Variants in IKBKG observed in about 807,000 individuals in gnomAD.
IKBKG encodes the protein inhibitor of nuclear factor kappa B kinase regulatory subunit gamma, also known as NF-kappa-B essential modulator.
IKBKG carries 2 observed loss-of-function variants against 13.7 expected under a neutral mutation model. The observed-to-expected ratio is 0.15, with a 90% CI of 0.06 to 0.46. IKBKG has a LOEUF of 0.46. IKBKG is among the 20% of genes least tolerant of loss of function. The probability of loss-of-function intolerance (pLI) is 0.98; values close to 1 mark genes in which losing one functional copy is unlikely to be tolerated. For synonymous variants in IKBKG, 22 were observed against 64.4 expected (o/e 0.34, Z 3.15); for missense variants, 53 against 150.3 (o/e 0.35, Z 3.39).
intron 1 of IKBKG, chrX:154,548,178 C>T (rs1425843338): frequency 6.3e-5 from 41 of 645,863 alleles, no homozygotes; most frequent in Non-Finnish European, 7.4e-5. Flanking sequence ...AATGAATGGG[C>T]TCTCCTGGCA....
chrX:154,552,230 G>A (rs2070953917), intron 2 of IKBKG, 41 bp downstream of exon 2: 6 of 1,103,157 alleles, frequency 5.4e-6, no homozygotes, highest in Non-Finnish European at 7.4e-6. Context: ...CTGAGGGGAA[G>A]GCGTCTTCTC....
chrX:154,547,637 T>G lies in IKBKG; in HGVS notation c.-124T>G. 1 of 754,123 alleles carries G rather than the reference T, an allele frequency of 1.3e-6. No homozygotes were observed. Among genetic ancestry groups the G allele is most frequent in the South Asian group, 6.7e-5 (1 of 14,841 alleles). The allele number at this position is 754,123 out of a possible 1,213,427, so 62.1% of individuals were successfully genotyped here. A position where few individuals can be genotyped will look rare whatever the true frequency, so the allele number is the denominator to read the frequency against. ...ATGACACCGGAAGCCGGAAGCGTGG[T>G]AGGGAAGGGCGACCGCGAAACTGGG... On this transcript the variant is annotated 5_prime_UTR_variant, in exon 1 of 10. Coordinates refer to ENST00000594239, the MANE Select transcript of IKBKG (RefSeq NM_001099857.5).
chrX:154,544,382 G>C (rs902528857), upstream of IKBKG, among the ~76,000 whole-genome samples: 5 of 107,935 alleles, frequency 4.6e-5, no homozygotes, highest in East Asian at 2.9e-4. Flanking sequence ...GGATGGTCTC[G>C]ATCTCTTGAC....
intron 2 of IKBKG, among the ~76,000 whole-genome samples, chrX:154,555,030 G>A (rs1263891247): frequency 4.5e-5 from 5 of 111,702 alleles, no homozygotes; most frequent in East Asian, 5.6e-4. Context: ...TGTGGCCTCT[G>A]CTGACTGCCT....
chrX:154,544,257 A>G (rs1382685798), upstream of IKBKG, among the ~76,000 whole-genome samples: 3 of 109,866 alleles, frequency 2.7e-5, no homozygotes, highest in Admixed American at 9.7e-5. Context: ...TGACTCCCTG[A>G]TTCAAGCGAT....
chrX:154,544,486 G>A (rs2070634312), upstream of IKBKG, among the ~76,000 whole-genome samples: 1 of 112,419 alleles, frequency 8.9e-6, no homozygotes, highest in Non-Finnish European at 1.9e-5. Context: ...GTAGAGACTG[G>A]GTTTCGCCAT....
At chrX:154,553,093 G>T (rs1369012685) in intron 2 of IKBKG, among the ~76,000 whole-genome samples, 4 of 112,868 alleles carry the variant, frequency 3.5e-5, no homozygotes, top group Admixed American at 1.9e-4. Context: ...ACTGGGTGTG[G>T]TGGGGCCTGT....
upstream of IKBKG, among the ~76,000 whole-genome samples, chrX:154,544,698 G>A (rs1432194392): frequency 2.7e-5 from 3 of 112,035 alleles, no homozygotes; most frequent in African/African-American, 9.7e-5. Flanking sequence ...AGGCTTATGG[G>A]GAGTCAGAGG....
upstream of IKBKG, chrX:154,547,085 C>G (rs1178551262): frequency 2.5e-5 from 4 of 160,650 alleles, no homozygotes; most frequent in Non-Finnish European, 3.4e-5. Flanking sequence ...CTCTGCATCC[C>G]CAATTCCGGC....
At chrX:154,542,061 A>C (rs1260444966) in intron 1 of IKBKG, among the ~76,000 whole-genome samples, 1 of 112,002 alleles carries the variant, frequency 8.9e-6, no homozygotes, top group East Asian at 2.8e-4. Context: ...AACCAACAAA[A>C]GGGCCTCCCT....
chrX:154,546,058 A>G (rs398123552), upstream of IKBKG: 4 of 1,211,011 alleles, frequency 3.3e-6, no homozygotes, highest in Admixed American at 4.4e-5. Flanking sequence ...GATGATGAAT[A>G]TGTGTGTATC....
At chrX:154,541,812 C>T (rs1358104372) in intron 1 of IKBKG, among the ~76,000 whole-genome samples, 1 of 112,599 alleles carries the variant, frequency 8.9e-6, no homozygotes, top group African/African-American at 3.2e-5. Context: ...TGGGCCATGA[C>T]CTGTCTGTTT....
At chrX:154,556,004 C>A (rs1808267404) in intron 2 of IKBKG, among the ~76,000 whole-genome samples, 161 bp from the exon 3 acceptor site, 1 of 114,000 alleles carries the variant, frequency 8.8e-6, no homozygotes, top group South Asian at 3.5e-4. Context: ...ACGCCATCCA[C>A]CCCTGAGAGA....
Position 154,547,716 on chromosome X carries a change from C to T in IKBKG, c.-45C>T. On this transcript the variant is annotated 5_prime_UTR_variant, in exon 1 of 10. Coordinates refer to ENST00000594239, the MANE Select transcript of IKBKG (RefSeq NM_001099857.5). ...GCGTTCACAGTCCGCCGCTCCCACC[C>T]TTCTCACGTCTGACGGACTCTGCTG... 1 of 755,239 alleles carries T rather than the reference C, an allele frequency of 1.3e-6. No homozygotes were observed. The highest frequency in any genetic ancestry group is 2.3e-5 in the African/African-American group (1 of 44,083). 62.2% of individuals were successfully genotyped at this position (755,239 alleles called of 1,213,427 possible).
At chrX:154,548,070 A>C in intron 1 of IKBKG, 3 of 755,049 alleles carry the variant, frequency 4.0e-6, no homozygotes, top group Non-Finnish European at 4.7e-6. Context: ...GAAATGCCTC[A>C]CATATAGTTT....
intron 1 of IKBKG, among the ~76,000 whole-genome samples, chrX:154,549,140 G>A (rs111835688): frequency 9.2e-6 from 1 of 109,085 alleles, no homozygotes; most frequent in Non-Finnish European, 1.9e-5. Context: ...GCACCACCAC[G>A]CCCAGCTAAT....
upstream of IKBKG, chrX:154,547,531 C>T: frequency 1.3e-6 from 1 of 755,046 alleles, no homozygotes. Context: ...GGATGCGGCC[C>T]TACCGCGGCC....
upstream of IKBKG, chrX:154,546,214 G>T: frequency 8.3e-7 from 1 of 1,201,015 alleles, no homozygotes; most frequent in Non-Finnish European, 1.1e-6. Context: ...AGAGCATTGA[G>T]AAGTTAGCCC....
upstream of IKBKG, among the ~76,000 whole-genome samples, chrX:154,544,555 A>G (rs2070636552): frequency 8.9e-6 from 1 of 112,399 alleles, no homozygotes. Context: ...TCGGCCTCCC[A>G]AAGTGCTGGG....
Sources: gnomAD v4.1 joint callset for allele counts (sites outside exome capture counted in the v4.1 genomes callset) on GRCh38, gnomAD v4.1.1 for gene constraint, MANE v1.5 for transcripts, NCBI Gene and HGNC (gene_info 2026-07-23, HGNC 2026-07-21) for gene names.